Variants in DEFB112 observed in about 807,000 individuals in gnomAD.
DEFB112 encodes defensin beta 112.
DEFB112 carries 2 observed loss-of-function variants against 1.1 expected under a neutral mutation model. The ratio of observed to expected loss-of-function variants is 1.85; its 90% CI spans 0.76 to 5.83. DEFB112 has a LOEUF of 5.83. Ranked by LOEUF, DEFB112 falls within the 30% of genes most tolerant of loss-of-function variation. The pLI, the probability that DEFB112 is intolerant of heterozygous loss-of-function variation, is 0.05. For synonymous variants in DEFB112, 40 were observed against 31.2 expected, an observed-to-expected ratio of 1.28 and a Z score of -0.93; for missense variants, 120 against 94.4, an observed-to-expected ratio of 1.27 and a Z score of -1.12.
At chr6:50,048,641 AATAATTTC>A (rs1239800450) in intron 1 of DEFB112, 2 of 1,611,194 alleles carry the variant, frequency 1.2e-6, no homozygotes, top group African/African-American at 2.7e-5. Context: ...TATGGTTGTC[AATAATTTC>A]ATAAGAGTGC....
chr6:50,044,916 A>G (rs780461940), intron 1 of DEFB112, among the ~76,000 whole-genome samples: 1 of 151,966 alleles, frequency 6.6e-6, no homozygotes, highest in Non-Finnish European at 1.5e-5. Context: ...ATACATATAT[A>G]TCATTTTATA....
intron 1 of DEFB112, among the ~76,000 whole-genome samples, chr6:50,045,577 A>T (rs1201780218): frequency 6.6e-6 from 1 of 152,306 alleles, no homozygotes; most frequent in Middle Eastern, 3.4e-3. Context: ...AAATGTGTAC[A>T]TATGTGTATA....
intron 1 of DEFB112, among the ~76,000 whole-genome samples, chr6:50,048,153 A>G (rs566488348): frequency 5.0e-4 from 76 of 152,162 alleles, no homozygotes; most frequent in African/African-American, 1.5e-3. Flanking sequence ...GTCTCAAAAA[A>G]AAAAAAATAA....
intron 1 of DEFB112, among the ~76,000 whole-genome samples, chr6:50,045,241 G>A (rs1774812465): frequency 6.6e-6 from 1 of 151,804 alleles, no homozygotes; most frequent in Admixed American, 6.6e-5. Context: ...TATCACAAGG[G>A]GTATTTCCTT....
At chr6:50,044,008 T>C (rs930890391) in intron 1 of DEFB112, among the ~76,000 whole-genome samples, 2 of 152,142 alleles carry the variant, frequency 1.3e-5, no homozygotes, top group Non-Finnish European at 2.9e-5. Context: ...TTATGCAGTT[T>C]AAATAATTCT....
At chr6:50,048,279 C>T (rs1378547105) in intron 1 of DEFB112, among the ~76,000 whole-genome samples, 1 of 152,030 alleles carries the variant, frequency 6.6e-6, no homozygotes, top group Non-Finnish European at 1.5e-5. Flanking sequence ...GTTAGAAAAC[C>T]TTTCTTCATG....
At chr6:50,048,298 A>G (rs1234814565) in intron 1 of DEFB112, among the ~76,000 whole-genome samples, 2 of 152,210 alleles carry the variant, frequency 1.3e-5, no homozygotes, top group Admixed American at 6.5e-5. Context: ...TGGAAATGAT[A>G]AAAGGACATT....
At chr6:50,046,912 G>A (rs1218863956) in intron 1 of DEFB112, among the ~76,000 whole-genome samples, 1 of 152,172 alleles carries the variant, frequency 6.6e-6, no homozygotes, top group African/African-American at 2.4e-5. Flanking sequence ...GAGCTGGCCA[G>A]GTACTGAGTG....
chr6:50,043,813 C>T lies in DEFB112; in HGVS notation c.59-12G>A. 3.7e-6 allele frequency: 6 copies of T among 1,610,070 alleles called. No homozygotes were observed. Among genetic ancestry groups the T allele is most frequent in the Non-Finnish European group, 4.2e-6 (5 of 1,177,020 alleles). ...CCCTTCACTTCTGGCTGAAAGAAGG[C>T]AAGAACAGCTGGAATTAGTAATCTA... On this transcript the variant is annotated splice_polypyrimidine_tract_variant and intron_variant, in intron 1 of 1. Coordinates refer to ENST00000651554, the MANE Select transcript of DEFB112 (RefSeq NM_001369057.2).
rs193181937 is a variant in DEFB112 at position 50,042,159 on chromosome 6, T to C, written c.*1416A>G. 4.1e-3 allele frequency among the ~76,000 whole-genome samples: 617 copies of C among 152,144 alleles called. 1 individual carries two copies. Among genetic ancestry groups the C allele is most frequent in the South Asian group, 0.019 (93 of 4,816 alleles). Reference sequence around the variant, plus strand: ...ATCCTACCACAGATACATTAAATTATAGTATAGGTATACTGTGAGACCCCT... The same window carrying C: ...ATCCTACCACAGATACATTAAATTACAGTATAGGTATACTGTGAGACCCCT... On this transcript the variant is annotated 3_prime_UTR_variant, in exon 2 of 2. Transcript: ENST00000651554.
Position 50,042,723 on chromosome 6 carries a change from G to A in DEFB112, c.*852C>T, listed in dbSNP as rs1479597484. Reference sequence around the variant, plus strand: ...CCCTTTCCCTCAAGGCCACAATTTAGCCTTTGTTAACACATCCTTGCCACA... The same window carrying A: ...CCCTTTCCCTCAAGGCCACAATTTAACCTTTGTTAACACATCCTTGCCACA... On this transcript the variant is annotated 3_prime_UTR_variant, in exon 2 of 2. Transcript: ENST00000651554. Among the ~76,000 whole-genome samples the A allele has an allele frequency of 6.6e-6, 1 of 151,920 alleles. No homozygotes were observed. Among genetic ancestry groups the A allele is most frequent in the African/African-American group, 2.4e-5 (1 of 41,370 alleles).
In DEFB112 at chr6:50,042,690, A is replaced by G. The variant is rs1342121172; in HGVS notation, c.*885T>C. Among the ~76,000 whole-genome samples, 1 of 151,972 alleles carries G rather than the reference A, an allele frequency of 6.6e-6. No individual in the cohort carries two copies. The highest frequency in any genetic ancestry group is 1.5e-5 in the Non-Finnish European group (1 of 67,932). Reference sequence around the variant, plus strand: ...TAATCTAGGTGAGGTATTAAGACCAACTGCTGACCCTTTCCCTCAAGGCCA... The same window carrying G: ...TAATCTAGGTGAGGTATTAAGACCAGCTGCTGACCCTTTCCCTCAAGGCCA... On this transcript the variant is annotated 3_prime_UTR_variant, in exon 2 of 2. Transcript: ENST00000651554.
chr6:50,048,381 A>G (rs1007998884), intron 1 of DEFB112, among the ~76,000 whole-genome samples: 1 of 152,218 alleles, frequency 6.6e-6, no homozygotes, highest in African/African-American at 2.4e-5. Flanking sequence ...TGTTTTAAAC[A>G]TGAAATTCAG....
intron 1 of DEFB112, 38 bp from the exon 2 acceptor site, chr6:50,043,839 G>C: frequency 1.3e-6 from 2 of 1,562,240 alleles, no homozygotes; most frequent in South Asian, 1.1e-5. Context: ...TAGTAATCTA[G>C]GTGGGAACTC....
intron 1 of DEFB112, among the ~76,000 whole-genome samples, chr6:50,046,221 C>CTGTGTGTGTGTGTG (rs3057286): frequency 1.6e-4 from 23 of 141,278 alleles, no homozygotes; most frequent in South Asian, 7.3e-4. Flanking sequence ...TTGAGGAGCA[C>CTGTGTGTGTGTGTG]TGTGTGTGTG....
In DEFB112 at chr6:50,043,591, T is replaced by C. The variant is rs757671631; in HGVS notation, c.269A>G (p.Lys90Arg). 2.7e-5 allele frequency: 43 copies of C among 1,612,956 alleles called. 1 individual carries two copies. In the Middle Eastern group the frequency reaches 1.0e-3, roughly 38 times the overall value. ...DSVGTQEWYP[K>R]DSRH ...TGGATTTCTTCAATGACGTGAGTCT[T>C]TAGGGTACCATTCTTGAGTCCCTAC... The change falls in exon 2 of 2, where the codon AAA becomes AGA. Residue 90 changes from lysine to arginine, a missense_variant. Coordinates refer to ENST00000651554, the MANE Select transcript of DEFB112 (RefSeq NM_001369057.2).
intron 1 of DEFB112, among the ~76,000 whole-genome samples, 123 bp downstream of exon 1, chr6:50,049,689 T>C (rs1396756005): frequency 6.6e-6 from 1 of 152,126 alleles, no homozygotes; most frequent in African/African-American, 2.4e-5. Context: ...TGTGAATAAA[T>C]GTAATGTAAC....
intron 1 of DEFB112, among the ~76,000 whole-genome samples, chr6:50,047,471 C>G (rs971599621): frequency 2.0e-5 from 3 of 152,176 alleles, no homozygotes; most frequent in Admixed American, 6.5e-5. Flanking sequence ...CACTATCTTT[C>G]CTACCCTCTT....
intron 1 of DEFB112, among the ~76,000 whole-genome samples, chr6:50,047,418 C>A (rs1487413534): frequency 1.3e-5 from 2 of 152,214 alleles, no homozygotes; most frequent in African/African-American, 4.8e-5. Flanking sequence ...TGTCTCCAGG[C>A]TGTGCTATCT....
Sources: allele counts gnomAD v4.1 joint callset (sites outside exome capture counted in the v4.1 genomes callset), GRCh38; gene constraint gnomAD v4.1.1; transcripts MANE v1.5; gene names NCBI Gene and HGNC (gene_info 2026-07-23, HGNC 2026-07-21).